The following CNTN5 variants were observed in gnomAD, a reference collection of about 807,000 sequenced individuals.
The protein encoded by CNTN5 is contactin 5.
CNTN5 carries 77 observed loss-of-function variants against 129.1 expected under a neutral mutation model. The observed-to-expected ratio is 0.60, with a 90% CI of 0.50 to 0.72. CNTN5 has a LOEUF of 0.72. CNTN5 is among the 30% of genes least tolerant of loss of function. CNTN5 has a pLI of 0.00. For synonymous variants in CNTN5, 509 were observed against 465.6 expected, an observed-to-expected ratio of 1.09 and a Z score of -1.20; for missense variants, 1,478 against 1,328.8, an observed-to-expected ratio of 1.11 and a Z score of -1.75.
chr11:100,077,513 A>G (rs1944178166), intron 13 of CNTN5, among the ~76,000 whole-genome samples: 1 of 152,050 alleles, frequency 6.6e-6, no homozygotes, highest in Non-Finnish European at 1.5e-5. Flanking sequence ...GAATTAACAT[A>G]ATAGTATATT....
At chr11:99,973,060 G>GA (rs1474757183) in intron 8 of CNTN5, among the ~76,000 whole-genome samples, 35 of 151,862 alleles carry the variant, frequency 2.3e-4, no homozygotes, top group Admixed American at 2.3e-3. Context: ...AAAAAAAGGT[G>GA]AATGAAAGGC....
intron 9 of CNTN5, among the ~76,000 whole-genome samples, chr11:100,044,743 G>T (rs536898895): frequency 6.7e-6 from 1 of 149,624 alleles, no homozygotes; most frequent in South Asian, 2.2e-4. Flanking sequence ...TCTGTCAGAT[G>T]CATAGTTTGC....
chr11:99,980,878 A>G (rs2137355955), intron 8 of CNTN5, among the ~76,000 whole-genome samples: 1 of 152,022 alleles, frequency 6.6e-6, no homozygotes, highest in African/African-American at 2.4e-5. Flanking sequence ...TTAAGATAGA[A>G]TTTCATTTTA....
At chr11:99,933,249 C>G (rs1271800453) in intron 7 of CNTN5, among the ~76,000 whole-genome samples, 2 of 152,112 alleles carry the variant, frequency 1.3e-5, no homozygotes, top group African/African-American at 4.8e-5. Flanking sequence ...TTAGGAATTT[C>G]AATTAATGTT....
intron 13 of CNTN5, among the ~76,000 whole-genome samples, chr11:100,158,022 A>G (rs558544904): frequency 6.3e-4 from 96 of 151,844 alleles, no homozygotes; most frequent in African/African-American, 1.6e-3. Context: ...AAAAAGAGAG[A>G]AGGAAAGGAA....
At chr11:100,159,450 A>C (rs1047766364) in intron 13 of CNTN5, among the ~76,000 whole-genome samples, 6 of 151,936 alleles carry the variant, frequency 3.9e-5, no homozygotes, top group Non-Finnish European at 5.9e-5. Context: ...TCTCAGAACG[A>C]ATATGGATGG....
chr11:99,839,043 C>T (rs1489908339), intron 4 of CNTN5, among the ~76,000 whole-genome samples: 1 of 151,942 alleles, frequency 6.6e-6, no homozygotes, highest in African/African-American at 2.4e-5. Context: ...AAAAATTCTT[C>T]ACAAGTTAAT....
intron 3 of CNTN5, among the ~76,000 whole-genome samples, chr11:99,721,895 C>T (rs958808755): frequency 1.3e-5 from 2 of 152,108 alleles, no homozygotes; most frequent in African/African-American, 4.8e-5. Flanking sequence ...AGCTCAATGT[C>T]ACTGATAGTT....
In CNTN5 at chr11:100,070,644, G is replaced by A; in HGVS notation, c.1299+84G>A. ...CAAACTAGGCTTCTTTAGTCTTATT[G>A]AAAGCCTTTTCCTGTTTCTGATTCG... On this transcript the variant is annotated intron_variant, in intron 11 of 24. Coordinates refer to ENST00000524871, the MANE Select transcript of CNTN5 (RefSeq NM_014361.4). The A allele has an allele frequency of 8.3e-6, 11 of 1,318,912 alleles. 1 individual carries two copies. The highest frequency in any genetic ancestry group is 1.2e-5 in the Non-Finnish European group (11 of 936,562). 81.7% of individuals were successfully genotyped at this position (1,318,912 alleles called of 1,614,324 possible). A position where few individuals can be genotyped will look rare whatever the true frequency, so the allele number is the denominator to read the frequency against.
intron 13 of CNTN5, among the ~76,000 whole-genome samples, chr11:100,083,344 A>G (rs1455224657): frequency 6.6e-6 from 1 of 150,616 alleles, no homozygotes; most frequent in African/African-American, 2.4e-5. Flanking sequence ...AGAGATGGGA[A>G]GAGGTCCCAG....
At chr11:99,622,837 G>GAAAA (rs139145102) in intron 3 of CNTN5, among the ~76,000 whole-genome samples, 3,297 of 149,876 alleles carry the variant, frequency 0.022, 53 homozygotes, top group East Asian at 0.097. Flanking sequence ...TTAGAAAACT[G>GAAAA]AAAAAAAAAG....
intron 8 of CNTN5, among the ~76,000 whole-genome samples, chr11:99,959,518 T>C (rs931738877): frequency 6.6e-6 from 1 of 152,188 alleles, no homozygotes; most frequent in Admixed American, 6.5e-5. Context: ...TTGAGAATCA[T>C]TCCCTCCAGC....
intron 2 of CNTN5, among the ~76,000 whole-genome samples, chr11:99,397,249 A>G (rs1941572839): frequency 6.6e-6 from 1 of 151,820 alleles, no homozygotes; most frequent in Admixed American, 6.6e-5. Context: ...GAGGAAGAAC[A>G]TAGAGGTAAA....
intron 1 of CNTN5, among the ~76,000 whole-genome samples, chr11:99,270,197 G>A (rs1375953304): frequency 6.6e-6 from 1 of 151,774 alleles, no homozygotes; most frequent in African/African-American, 2.4e-5. Flanking sequence ...GAGATAAAAT[G>A]TTATGCTTTG....
chr11:100,116,421 T>C (rs977066904), intron 13 of CNTN5, among the ~76,000 whole-genome samples: 2 of 151,878 alleles, frequency 1.3e-5, no homozygotes, highest in African/African-American at 4.8e-5. Flanking sequence ...TAAAAAAAAT[T>C]TGGTGATTAT....
intron 1 of CNTN5, among the ~76,000 whole-genome samples, chr11:99,242,710 C>T (rs970465363): frequency 1.3e-5 from 2 of 152,048 alleles, no homozygotes; most frequent in Admixed American, 6.6e-5. Flanking sequence ...TGTTTAGCTC[C>T]AGCTTCTAAG....
intron 6 of CNTN5, among the ~76,000 whole-genome samples, chr11:99,893,667 T>G (rs1313838131): frequency 1.3e-5 from 2 of 152,112 alleles, no homozygotes; most frequent in Non-Finnish European, 2.9e-5. Context: ...TGATTTCTAT[T>G]TAGGTTGAAT....
chr11:100,225,421 C>T (rs1193117184), intron 16 of CNTN5: 2 of 152,124 alleles, frequency 1.3e-5, no homozygotes, highest in Non-Finnish European at 1.5e-5. Context: ...CACCCATTTC[C>T]TTTAGCACAG....
chr11:99,354,329 G>C (rs573968432), intron 2 of CNTN5, among the ~76,000 whole-genome samples: 5 of 152,258 alleles, frequency 3.3e-5, no homozygotes, highest in African/African-American at 1.2e-4. Flanking sequence ...CCTTAGAATA[G>C]GGGTTGGGCA....
Sources: allele counts gnomAD v4.1 joint callset (sites outside exome capture counted in the v4.1 genomes callset), GRCh38; gene constraint gnomAD v4.1.1; transcripts MANE v1.5; gene names NCBI Gene and HGNC (gene_info 2026-07-23, HGNC 2026-07-21).